Variants in PITPNC1 observed in about 807,000 individuals in gnomAD.
PITPNC1 encodes phosphatidylinositol transfer protein cytoplasmic 1, also known as cytoplasmic phosphatidylinositol transfer protein 1.
A neutral mutation model predicts 44.7 loss-of-function variants in PITPNC1; 18 were observed. That is an observed-to-expected ratio of 0.40 (90% confidence interval 0.28 to 0.60). The LOEUF (loss-of-function observed/expected upper bound fraction) is 0.60. Ranked by LOEUF, PITPNC1 falls within the 20% of genes least tolerant of loss-of-function variation. PITPNC1 has a pLI of 0.39. For synonymous variants in PITPNC1, 141 were observed against 149.6 expected (o/e 0.94, Z 0.42); for missense variants, 290 against 418.4 (o/e 0.69, Z 2.68).
chr17:67,589,562 G>T (rs1158874631), intron 5 of PITPNC1, among the ~76,000 whole-genome samples: 3 of 149,994 alleles, frequency 2.0e-5, no homozygotes, highest in African/African-American at 7.4e-5. Flanking sequence ...AAGTATCAAG[G>T]TCTGAATGTC....
intron 1 of PITPNC1, among the ~76,000 whole-genome samples, chr17:67,459,117 T>C (rs1313319995): frequency 2.5e-4 from 35 of 138,490 alleles, no homozygotes; most frequent in Admixed American, 1.3e-3. Context: ...CTTTTTCTTT[T>C]TTTTTTTTTT....
intron 1 of PITPNC1, among the ~76,000 whole-genome samples, chr17:67,406,328 C>G (rs1169771188): frequency 6.6e-6 from 1 of 151,812 alleles, no homozygotes; most frequent in African/African-American, 2.4e-5. Flanking sequence ...ATTTTCACTA[C>G]TCCCAAAAGA....
intron 4 of PITPNC1, among the ~76,000 whole-genome samples, chr17:67,563,464 C>T (rs779790957): frequency 6.6e-6 from 1 of 152,080 alleles, no homozygotes; most frequent in Non-Finnish European, 1.5e-5. Flanking sequence ...GATGTTAGGC[C>T]CGTTGTAAAG....
chr17:67,406,413 C>T (rs2038402124), intron 1 of PITPNC1, among the ~76,000 whole-genome samples: 2 of 152,176 alleles, frequency 1.3e-5, no homozygotes, highest in African/African-American at 4.8e-5. Flanking sequence ...TCTATACTTT[C>T]TGTCCTTATG....
At chr17:67,513,879 A>T (rs530793863) in intron 1 of PITPNC1, among the ~76,000 whole-genome samples, 1 of 151,934 alleles carries the variant, frequency 6.6e-6, no homozygotes, top group Non-Finnish European at 1.5e-5. Context: ...ATTTGTAATT[A>T]GATAGTGTCT....
intron 2 of PITPNC1, among the ~76,000 whole-genome samples, chr17:67,541,462 T>C (rs1397733047): frequency 1.8e-5 from 1 of 55,888 alleles, no homozygotes; most frequent in East Asian, 4.6e-4. Flanking sequence ...ATGAAGCAAT[T>C]ATACATACAC....
At chr17:67,536,698 G>C (rs2040535649) in intron 2 of PITPNC1, among the ~76,000 whole-genome samples, 1 of 152,136 alleles carries the variant, frequency 6.6e-6, no homozygotes, top group Non-Finnish European at 1.5e-5. Context: ...ACACAAATTT[G>C]GATGGTAAAA....
At chr17:67,423,928 C>A (rs756750733) in intron 1 of PITPNC1, among the ~76,000 whole-genome samples, 3 of 152,130 alleles carry the variant, frequency 2.0e-5, no homozygotes, top group African/African-American at 4.8e-5. Flanking sequence ...AAGTAGATTT[C>A]TTGCAGTCCT....
At chr17:67,577,206 C>T (rs1003749887) in intron 4 of PITPNC1, among the ~76,000 whole-genome samples, 2 of 152,100 alleles carry the variant, frequency 1.3e-5, no homozygotes, top group Non-Finnish European at 2.9e-5. Context: ...GTGGGAGGAT[C>T]GCTTGAGCCC....
intron 1 of PITPNC1, among the ~76,000 whole-genome samples, chr17:67,527,747 G>A (rs1337527008): frequency 6.6e-6 from 1 of 152,182 alleles, no homozygotes; most frequent in Non-Finnish European, 1.5e-5. Context: ...GCTCACGCCT[G>A]TAATCCCAGC....
intron 1 of PITPNC1, among the ~76,000 whole-genome samples, chr17:67,421,910 A>G (rs2038677386): frequency 1.3e-5 from 2 of 152,216 alleles, no homozygotes; most frequent in Admixed American, 6.5e-5. Flanking sequence ...CAAGGCAATG[A>G]GAGACCTTCC....
intron 1 of PITPNC1, among the ~76,000 whole-genome samples, chr17:67,483,148 C>G (rs1183416211): frequency 6.6e-6 from 1 of 152,164 alleles, no homozygotes; most frequent in Non-Finnish European, 1.5e-5. Context: ...CAGGTCCTTT[C>G]TGGATGCTTT....
intron 1 of PITPNC1, among the ~76,000 whole-genome samples, chr17:67,442,204 CATATATAT>C (rs10526037): frequency 0.018 from 970 of 54,128 alleles, 14 homozygotes; most frequent in African/African-American, 0.032. Context: ...GGAAAATAAG[CATATATAT>C]ATATATATAT....
chr17:67,578,959 G>A (rs2041188683), intron 5 of PITPNC1, among the ~76,000 whole-genome samples: 1 of 152,180 alleles, frequency 6.6e-6, no homozygotes, highest in Non-Finnish European at 1.5e-5. Flanking sequence ...TTCAGCCTGG[G>A]CCACAGAGCG....
chr17:67,564,119 TAGAC>T (rs1409118847), intron 4 of PITPNC1, among the ~76,000 whole-genome samples: 1 of 151,588 alleles, frequency 6.6e-6, no homozygotes, highest in East Asian at 1.9e-4. Context: ...ATTAGATAGG[TAGAC>T]AGATTAGATA....
At chr17:67,541,141 G>A (rs1266039787) in intron 2 of PITPNC1, among the ~76,000 whole-genome samples, 1 of 152,078 alleles carries the variant, frequency 6.6e-6, no homozygotes, top group Non-Finnish European at 1.5e-5. Flanking sequence ...CTTGAGCCTG[G>A]GAGGCAGATG....
At chr17:67,530,965 G>T (rs1403381125) in intron 1 of PITPNC1, among the ~76,000 whole-genome samples, 1 of 152,192 alleles carries the variant, frequency 6.6e-6, no homozygotes, top group Non-Finnish European at 1.5e-5. Flanking sequence ...ATTTCAGGCT[G>T]GGCACTGTGG....
At chr17:67,548,424 C>G (rs1446637456) in intron 2 of PITPNC1, among the ~76,000 whole-genome samples, 1 of 152,072 alleles carries the variant, frequency 6.6e-6, no homozygotes, top group African/African-American at 2.4e-5. Flanking sequence ...AACTTTGTCT[C>G]TACTAAAAAT....
intron 1 of PITPNC1, among the ~76,000 whole-genome samples, chr17:67,505,946 T>G (rs1340499353): frequency 6.6e-6 from 1 of 152,202 alleles, no homozygotes; most frequent in Non-Finnish European, 1.5e-5. Flanking sequence ...CTACCTGGAT[T>G]GCACTGGAGC....
Sources: allele counts gnomAD v4.1 joint callset (sites outside exome capture counted in the v4.1 genomes callset), GRCh38; gene constraint gnomAD v4.1.1; transcripts MANE v1.5; gene names NCBI Gene and HGNC (gene_info 2026-07-23, HGNC 2026-07-21).